EXD1: variants seen among roughly 807,000 people sequenced by gnomAD.
The protein encoded by EXD1 is exonuclease 3'-5' domain containing 1.
In EXD1, 63 loss-of-function variants were observed where a neutral mutation model predicts 49.1. The observed-to-expected ratio is 1.28, with a 90% CI of 1.05 to 1.58. The LOEUF (loss-of-function observed/expected upper bound fraction) is 1.58. Among genes scored for constraint, EXD1 ranks in the 40% most tolerant of loss-of-function variants. The pLI is 0.00. For missense variants in EXD1, 748 were observed against 666.0 expected (o/e 1.12, Z -1.36); for synonymous variants, 234 against 239.2 (o/e 0.98, Z 0.20).
intron 2 of EXD1, among the ~76,000 whole-genome samples, chr15:41,221,826 AGC>A (rs1442112949): frequency 1.3e-5 from 2 of 151,766 alleles, no homozygotes; most frequent in Non-Finnish European, 2.9e-5. Flanking sequence ...ACTAAGGCCA[AGC>A]GCGGTGGTTC....
intron 9 of EXD1, among the ~76,000 whole-genome samples, chr15:41,194,455 A>C (rs2046579701): frequency 6.6e-6 from 1 of 152,216 alleles, no homozygotes; most frequent in Admixed American, 6.6e-5. Flanking sequence ...ACAAGTGGCC[A>C]CTAGAAGCTG....
chr15:41,209,402 C>A, intron 7 of EXD1, 99 bp downstream of exon 7: 1 of 991,596 alleles, frequency 1.0e-6, no homozygotes, highest in Non-Finnish European at 1.5e-6. Flanking sequence ...AGAGTGAGAT[C>A]CCATCTCTAA....
chr15:41,230,519 T>C lies in EXD1; in HGVS notation c.-94A>G. 1 of 1,614,220 alleles carries C rather than the reference T, an allele frequency of 6.2e-7. No individual in the cohort carries two copies. Among genetic ancestry groups the C allele is most frequent in the African/African-American group, 1.3e-5 (1 of 75,070 alleles). On this transcript the variant is annotated 5_prime_UTR_variant, in exon 1 of 12. Coordinates refer to ENST00000458580, the MANE Select transcript of EXD1 (RefSeq NM_001286441.2). Reference sequence around the variant, plus strand: ...CACTGTCCTCCATCGTTAGGGCTTTTTCCTCCGAAGGAAGTTTGGGAAATC... The same window carrying C: ...CACTGTCCTCCATCGTTAGGGCTTTCTCCTCCGAAGGAAGTTTGGGAAATC...
intron 2 of EXD1, among the ~76,000 whole-genome samples, chr15:41,223,761 A>G (rs1489794059): frequency 1.3e-5 from 2 of 151,558 alleles, no homozygotes; most frequent in African/African-American, 2.4e-5. Context: ...GCTACTTGGG[A>G]GTCTGAGGCA....
In EXD1 at chr15:41,211,016, A is replaced by T. The variant is rs149888933; in HGVS notation, c.448-1429T>A. Among the ~76,000 whole-genome samples the T allele has an allele frequency of 3.9e-3, 593 of 152,224 alleles. 2 individuals carry two copies. The highest frequency in any genetic ancestry group is 5.7e-3 in the Non-Finnish European group (389 of 68,006). On this transcript the variant is annotated intron_variant, in intron 6 of 11. Transcript: ENST00000458580. ...AAAAGCTGCATTCTCTACTGATGAG[A>T]ATTCCTAATTACCTCTTCAAACTTC...
chr15:41,212,839 G>A (rs1022668914), intron 6 of EXD1, among the ~76,000 whole-genome samples: 3 of 152,146 alleles, frequency 2.0e-5, no homozygotes, highest in African/African-American at 7.2e-5. Flanking sequence ...AGTAGTTTGA[G>A]ACCAGCTTAG....
chr15:41,202,167 T>TA (rs201319989), intron 7 of EXD1, among the ~76,000 whole-genome samples: 3,450 of 132,306 alleles, frequency 0.026, 67 homozygotes, highest in African/African-American at 0.067. Flanking sequence ...TATATATATA[T>TA]TTTTTTTAAT....
chr15:41,221,818 T>C (rs1404830684), intron 2 of EXD1, among the ~76,000 whole-genome samples: 2 of 152,072 alleles, frequency 1.3e-5, no homozygotes, highest in East Asian at 3.9e-4. Context: ...ACAGACTTAC[T>C]AAGGCCAAGC....
chr15:41,223,107 G>A (rs949541184), intron 2 of EXD1, among the ~76,000 whole-genome samples: 62 of 152,148 alleles, frequency 4.1e-4, no homozygotes, highest in Non-Finnish European at 7.9e-4. Context: ...GAGCCACCAC[G>A]ACTGGCTAAT....
chr15:41,193,902 A>G (rs947805404), intron 9 of EXD1, among the ~76,000 whole-genome samples: 1 of 151,876 alleles, frequency 6.6e-6, no homozygotes, highest in East Asian at 1.9e-4. Flanking sequence ...CCTGTATCTT[A>G]CATGCAAAAG....
In EXD1 at chr15:41,202,772, G is replaced by A. The variant is rs117079235; in HGVS notation, c.534+6729C>T. ...ATTAGCCACCACACCACAAAAATTA[G>A]CCAGGCCCAGTGGTGTGTGCCTGTA... On this transcript the variant is annotated intron_variant, in intron 7 of 11. Transcript: ENST00000458580. Among the ~76,000 whole-genome samples, 796 of 152,066 alleles carry A rather than the reference G, an allele frequency of 5.2e-3. 34 individuals carry two copies. The East Asian group carries it at 0.1, about 20-fold the overall frequency.
intron 7 of EXD1, among the ~76,000 whole-genome samples, chr15:41,199,753 A>AATATATAATATATG (rs1326775145): frequency 2.1e-5 from 2 of 96,888 alleles, no homozygotes; most frequent in Non-Finnish European, 3.8e-5. Context: ...TATATTATAT[A>AATATATAATATATG]TGATACATAT....
chr15:41,203,061 G>T (rs1052592450), intron 7 of EXD1, among the ~76,000 whole-genome samples: 6 of 152,052 alleles, frequency 3.9e-5, no homozygotes, highest in African/African-American at 1.2e-4. Context: ...CAGAGATAAA[G>T]ATTAAATATT....
chr15:41,192,998 G>C (rs574025819), intron 9 of EXD1, among the ~76,000 whole-genome samples: 1 of 151,518 alleles, frequency 6.6e-6, no homozygotes, highest in Non-Finnish European at 1.5e-5. Context: ...GGGTTTCACC[G>C]TGCTCTCGAT....
intron 7 of EXD1, among the ~76,000 whole-genome samples, chr15:41,196,312 ATTT>A (rs572843554): frequency 1.8e-5 from 2 of 108,140 alleles, no homozygotes. Flanking sequence ...CGCCCAGCTA[ATTT>A]TTTTTTTTTT....
chr15:41,186,214 G>A (rs1313139875), intron 11 of EXD1, among the ~76,000 whole-genome samples: 4 of 152,092 alleles, frequency 2.6e-5, no homozygotes, highest in Non-Finnish European at 5.9e-5. Flanking sequence ...GCTCACGCCT[G>A]TAATCCCAGC....
At chr15:41,221,445 T>C (rs551087570) in intron 2 of EXD1, among the ~76,000 whole-genome samples, 1 of 108,882 alleles carries the variant, frequency 9.2e-6, no homozygotes, top group Non-Finnish European at 1.7e-5. Context: ...CTATTTTTCT[T>C]TTTTTTTTGG....
chr15:41,219,006 T>C (rs902199538), intron 3 of EXD1, among the ~76,000 whole-genome samples: 1 of 152,102 alleles, frequency 6.6e-6, no homozygotes, highest in African/African-American at 2.4e-5. Context: ...TCCTAAGAGG[T>C]CCCAGAGCTC....
In EXD1 at chr15:41,189,988, A is replaced by G. The variant is rs1434797363; in HGVS notation, c.1005T>C (p.Gly335=). ...MMSDLTTLVD[G]YLNTYREGSA... ...ACCCTTCGCGATACGTGTTTAGGTA[A>G]CCATCCACCAGGGTGGTTAGGTCAG... Residue 335 remains glycine, a synonymous_variant, in exon 11 of 12, where the codon GGT becomes GGC. Transcript: ENST00000458580. 6.2e-7 allele frequency: 1 copy of G among 1,614,066 alleles called. No individual in the cohort carries two copies. The highest frequency in any genetic ancestry group is 8.5e-7 in the Non-Finnish European group (1 of 1,180,004).
Sources: gnomAD v4.1 joint callset for allele counts (sites outside exome capture counted in the v4.1 genomes callset) on GRCh38, gnomAD v4.1.1 for gene constraint, MANE v1.5 for transcripts, NCBI Gene and HGNC (gene_info 2026-07-23, HGNC 2026-07-21) for gene names.